The following LRP1B variants were observed in gnomAD, a reference collection of about 807,000 sequenced individuals.
LRP1B encodes the protein low-density lipoprotein receptor-related protein 1B.
LRP1B carries 217 observed loss-of-function variants against 556.6 expected under a neutral mutation model. The observed-to-expected ratio is 0.39, with a 90% confidence interval of 0.35 to 0.44. LRP1B has a LOEUF of 0.44. LRP1B is among the 20% of genes least tolerant of loss of function. LRP1B has a pLI of 1.00. For synonymous variants in LRP1B, 2,047 were observed against 1,865.8 expected, an observed-to-expected ratio of 1.10 and a Z score of -2.50; for missense variants, 5,053 against 5,620.8, an observed-to-expected ratio of 0.90 and a Z score of 3.23.
chr2:140,603,901 A>G (rs1267192950), intron 41 of LRP1B, among the ~76,000 whole-genome samples: 1 of 152,116 alleles, frequency 6.6e-6, no homozygotes, highest in African/African-American at 2.4e-5. Flanking sequence ...GAGATAAGAC[A>G]TATTTCTCAA....
intron 1 of LRP1B, among the ~76,000 whole-genome samples, chr2:141,957,397 C>CG (rs1488156473): frequency 3.9e-4 from 8 of 20,758 alleles, no homozygotes; most frequent in South Asian, 1.0e-3. Context: ...GGGGGGGGGG[C>CG]GGGGGGGTGT....
At chr2:142,075,884 G>A (rs572318709) in intron 1 of LRP1B, among the ~76,000 whole-genome samples, 2 of 152,062 alleles carry the variant, frequency 1.3e-5, no homozygotes, top group African/African-American at 4.8e-5. Flanking sequence ...AGCCCATAGG[G>A]GCTTGACTAA....
chr2:141,641,189 G>GTTTGTTA (rs1558773832), intron 2 of LRP1B, among the ~76,000 whole-genome samples: 6 of 129,590 alleles, frequency 4.6e-5, no homozygotes, highest in African/African-American at 1.7e-4. Context: ...CGGTAGTATA[G>GTTTGTTA]CTGGGTAGCT....
intron 43 of LRP1B, among the ~76,000 whole-genome samples, chr2:140,546,358 G>A (rs1680339498): frequency 1.3e-5 from 2 of 151,894 alleles, no homozygotes; most frequent in Admixed American, 6.6e-5. Flanking sequence ...TGTTGTATTA[G>A]TACATTCTTA....
At chr2:141,936,326 T>A (rs914345188) in intron 1 of LRP1B, among the ~76,000 whole-genome samples, 1 of 152,154 alleles carries the variant, frequency 6.6e-6, no homozygotes, top group Non-Finnish European at 1.5e-5. Context: ...ATGTAGAAAA[T>A]CTGAAATAAA....
chr2:141,747,709 G>A (rs1693964971), intron 2 of LRP1B, among the ~76,000 whole-genome samples: 1 of 152,142 alleles, frequency 6.6e-6, no homozygotes, highest in South Asian at 2.1e-4. Flanking sequence ...ATAACATTGT[G>A]TTTGGGTAAT....
chr2:140,719,412 T>A (rs1175737043), intron 35 of LRP1B, among the ~76,000 whole-genome samples: 4 of 150,700 alleles, frequency 2.7e-5, no homozygotes, highest in Non-Finnish European at 3.0e-5. Flanking sequence ...ATCTTTACAA[T>A]AAAAAAAAAA....
chr2:141,656,105 G>A (rs912369042), intron 2 of LRP1B, among the ~76,000 whole-genome samples: 3 of 152,058 alleles, frequency 2.0e-5, no homozygotes, highest in African/African-American at 7.2e-5. Context: ...TGCTAAAGTC[G>A]CATTGCTAGT....
intron 41 of LRP1B, among the ~76,000 whole-genome samples, chr2:140,635,549 G>A (rs1415869127): frequency 6.6e-6 from 1 of 151,760 alleles, no homozygotes; most frequent in Non-Finnish European, 1.5e-5. Flanking sequence ...TAATGACTTT[G>A]GAGCTGAGGT....
chr2:140,905,419 C>T (rs755858529), intron 22 of LRP1B, among the ~76,000 whole-genome samples: 1 of 152,094 alleles, frequency 6.6e-6, no homozygotes, highest in Non-Finnish European at 1.5e-5. Flanking sequence ...AGAAAGCTTG[C>T]AATTATAAAT....
intron 66 of LRP1B, among the ~76,000 whole-genome samples, chr2:140,413,572 CACTT>C (rs1465437474): frequency 6.6e-6 from 1 of 152,150 alleles, no homozygotes; most frequent in East Asian, 1.9e-4. Flanking sequence ...AACAAGAAGA[CACTT>C]ACCATGTTAA....
chr2:141,114,759 C>A (rs898514284), intron 7 of LRP1B, among the ~76,000 whole-genome samples: 2 of 152,064 alleles, frequency 1.3e-5, no homozygotes, highest in African/African-American at 4.8e-5. Flanking sequence ...CTCTTCTACC[C>A]AGCATTTCCC....
rs1248644219 is a variant in LRP1B, at chr2:141,169,772, C to T, written c.1013+18649G>A. Among the ~76,000 whole-genome samples, 6 of 144,742 alleles carry T rather than the reference C, an allele frequency of 4.1e-5. No homozygotes were observed. The East Asian group carries it at 1.2e-3, about 30-fold the overall frequency. The allele number at this position is 144,742 out of a possible 152,430, so 95.0% of individuals were successfully genotyped here. A position where few individuals can be genotyped will look rare whatever the true frequency, so the allele number is the denominator to read the frequency against. ...GGTATACAAAGCAAAAGATATGGCT[C>T]TCTCCAGTGCACCTCCCACACCTTA... On this transcript the variant is annotated intron_variant, in intron 7 of 90. Transcript: ENST00000389484.
rs1475946411 is a variant in LRP1B, at chr2:140,748,773, A to T, written c.5758+20440T>A. Among the ~76,000 whole-genome samples the T allele has an allele frequency of 7.3e-5, 3 of 40,846 alleles. 1 individual carries two copies. Among genetic ancestry groups the T allele is most frequent in the Non-Finnish European group, 1.4e-4 (3 of 21,062 alleles). The allele number at this position is 40,846 out of a possible 152,430, so 26.8% of individuals were successfully genotyped here. On this transcript the variant is annotated intron_variant, in intron 35 of 90. Transcript: ENST00000389484. ...TGATATATATTATATACATGTATAT[A>T]ATATGTATATAATATATATTATATA...
intron 14 of LRP1B, among the ~76,000 whole-genome samples, chr2:141,008,512 C>T (rs1008730201): frequency 2.6e-5 from 4 of 151,092 alleles, no homozygotes; most frequent in South Asian, 2.1e-4. Flanking sequence ...AAAATTAGAT[C>T]GAAAAAGACA....
intron 3 of LRP1B, among the ~76,000 whole-genome samples, chr2:141,345,832 AC>A (rs745643790): frequency 3.3e-5 from 5 of 151,928 alleles, no homozygotes; most frequent in Non-Finnish European, 7.4e-5. Flanking sequence ...ATTCTGGAAC[AC>A]CTATAGATTT....
chr2:140,577,353 C>T (rs185256190), intron 43 of LRP1B, among the ~76,000 whole-genome samples: 211 of 151,772 alleles, frequency 1.4e-3, no homozygotes, highest in South Asian at 2.9e-3. Flanking sequence ...CCTGGTGGTG[C>T]GCACCTGTAG....
chr2:141,302,245 A>G (rs151119359), intron 3 of LRP1B, among the ~76,000 whole-genome samples: 3,415 of 152,180 alleles, frequency 0.022, 68 homozygotes, highest in Non-Finnish European at 0.036. Flanking sequence ...TAATAGCAAT[A>G]CAAAAGACTA....
chr2:141,467,100 G>GTA (rs1682243955), intron 3 of LRP1B, among the ~76,000 whole-genome samples: 3 of 108,610 alleles, frequency 2.8e-5, no homozygotes, highest in African/African-American at 1.3e-4. Flanking sequence ...ACATATATAT[G>GTA]TGTATATATA....
Sources: allele counts gnomAD v4.1 joint callset (sites outside exome capture counted in the v4.1 genomes callset), GRCh38; gene constraint gnomAD v4.1.1; transcripts MANE v1.5; gene names NCBI Gene and HGNC (gene_info 2026-07-23, HGNC 2026-07-21).